MTF1: variants seen among roughly 807,000 people sequenced by gnomAD.
The protein encoded by MTF1 is metal regulatory transcription factor 1, also known as MRE-binding transcription factor.
MTF1 carries 22 observed loss-of-function variants against 70.4 expected under a neutral mutation model. That is an observed-to-expected ratio of 0.31 (90% CI 0.22 to 0.45). MTF1 has a LOEUF of 0.45. Among genes scored for constraint, MTF1 ranks in the 20% least tolerant of loss-of-function variants. MTF1 has a pLI of 1.00. For missense variants in MTF1, 649 were observed against 922.0 expected, an observed-to-expected ratio of 0.70 and a Z score of 3.83; for synonymous variants, 333 against 352.8, an observed-to-expected ratio of 0.94 and a Z score of 0.63.
chr1:37,854,333 C>G (rs1641459291), intron 2 of MTF1, among the ~76,000 whole-genome samples: 1 of 152,282 alleles, frequency 6.6e-6, no homozygotes, highest in East Asian at 1.9e-4. Context: ...ATAAGGCTTA[C>G]ATGCAGGTCT....
Position 37,822,116 on chromosome 1 carries a change from C to A in MTF1, c.1767+5G>T. ...CCACTGGGTATATTCATACATAATACTTACAATTTGTTCTTGGTTTTGTGG... is the reference window on the plus strand; with the variant it reads ...CCACTGGGTATATTCATACATAATAATTACAATTTGTTCTTGGTTTTGTGG... On this transcript the variant is annotated splice_donor_5th_base_variant and intron_variant, in intron 9 of 10. Transcript: ENST00000373036. 1 of 1,581,360 alleles carries A rather than the reference C, an allele frequency of 6.3e-7. No individual in the cohort carries two copies. Among genetic ancestry groups the A allele is most frequent in the Non-Finnish European group, 8.6e-7 (1 of 1,160,204 alleles).
intron 1 of MTF1, among the ~76,000 whole-genome samples, chr1:37,857,958 C>T (rs887866454): frequency 1.3e-5 from 2 of 149,614 alleles, no homozygotes; most frequent in African/African-American, 4.9e-5. Context: ...GGGAGGATCG[C>T]TTGAGGCCAG....
chr1:37,828,121 TGAG>T, intron 7 of MTF1: 1 of 386,986 alleles, frequency 2.6e-6, no homozygotes, highest in Non-Finnish European at 5.0e-6. Context: ...CATAATGTTA[TGAG>T]AAGAAAAGCC....
At chr1:37,819,727 G>A (rs774195350) in intron 9 of MTF1, among the ~76,000 whole-genome samples, 1 of 151,916 alleles carries the variant, frequency 6.6e-6, no homozygotes, top group Non-Finnish European at 1.5e-5. Flanking sequence ...CGAGGTGGGC[G>A]AATCACCTGA....
chr1:37,819,689 T>A (rs1186891686), intron 9 of MTF1, among the ~76,000 whole-genome samples: 1 of 149,124 alleles, frequency 6.7e-6, no homozygotes, highest in Non-Finnish European at 1.5e-5. Flanking sequence ...TGGTGGCTCA[T>A]GCTTGTAATC....
chr1:37,831,208 G>C (rs1267274386), intron 7 of MTF1, among the ~76,000 whole-genome samples: 1 of 152,098 alleles, frequency 6.6e-6, no homozygotes, highest in Non-Finnish European at 1.5e-5. Context: ...CTGCGGGAGA[G>C]TTGGTCTCAT....
rs552705647 is a variant in MTF1, at chr1:37,840,240, G to A, written c.409-82C>T. 9 of 1,250,984 alleles carry A rather than the reference G, an allele frequency of 7.2e-6. No homozygotes were observed. The highest frequency in any genetic ancestry group is 1.0e-5 in the Non-Finnish European group (9 of 862,058). The allele number at this position is 1,250,984 out of a possible 1,614,324, so 77.5% of individuals were successfully genotyped here. A position where few individuals can be genotyped will look rare whatever the true frequency, so the allele number is the denominator to read the frequency against. ...CCCCCACCCAGAGCTCAGCTCCCAA[G>A]AGATGCTGTGGACAATACAACTGGG... On this transcript the variant is annotated intron_variant, in intron 2 of 10. Transcript: ENST00000373036. The surrounding 1 kb of genome is among the most constrained non-coding windows in gnomAD (Gnocchi z 4.5).
At chr1:37,838,797 CTTTTT>C (rs746478428) in intron 3 of MTF1, 41 bp from the exon 4 acceptor site, 7,930 of 474,112 alleles carry the variant, frequency 0.017, 147 homozygotes, top group African/African-American at 0.046. Context: ...TCATAAAATT[CTTTTT>C]TTTTTTTTTT....
At chr1:37,835,250 A>T in intron 5 of MTF1, 35 bp from the exon 6 acceptor site, 1 of 1,593,298 alleles carries the variant, frequency 6.3e-7, no homozygotes, top group Non-Finnish European at 8.6e-7. Context: ...AATTTACCAT[A>T]AAGTCATTTC....
intron 9 of MTF1, among the ~76,000 whole-genome samples, chr1:37,819,866 C>T (rs1256958201): frequency 3.5e-5 from 5 of 144,844 alleles, no homozygotes; most frequent in East Asian, 4.3e-4. Flanking sequence ...GCAGGAGAAT[C>T]GCTTGAAGCC....
At chr1:37,848,269 G>C (rs1391636742) in intron 2 of MTF1, among the ~76,000 whole-genome samples, 2 of 152,138 alleles carry the variant, frequency 1.3e-5, no homozygotes, top group African/African-American at 4.8e-5. Flanking sequence ...CAGACACTAT[G>C]CTAAATGTTT....
chr1:37,836,439 G>A (rs115846245), intron 4 of MTF1, among the ~76,000 whole-genome samples: 53 of 152,144 alleles, frequency 3.5e-4, no homozygotes, highest in African/African-American at 1.2e-3. Flanking sequence ...TGTAACATAA[G>A]AACAAAATCA....
At chr1:37,826,841 T>C (rs189049854) in intron 7 of MTF1, among the ~76,000 whole-genome samples, 7 of 152,160 alleles carry the variant, frequency 4.6e-5, no homozygotes, top group Admixed American at 3.9e-4. Context: ...TAGCTGAGCA[T>C]GGTGGTGCGT....
At chr1:37,821,814 AC>A (rs1209428408) in intron 9 of MTF1, among the ~76,000 whole-genome samples, 2 of 151,918 alleles carry the variant, frequency 1.3e-5, no homozygotes, top group African/African-American at 4.8e-5. Flanking sequence ...ATATTCTGGG[AC>A]CTCTGGAGTT....
At chr1:37,827,763 C>T (rs999748437) in intron 7 of MTF1, among the ~76,000 whole-genome samples, 5 of 152,138 alleles carry the variant, frequency 3.3e-5, no homozygotes, top group Admixed American at 2.0e-4. Flanking sequence ...TAATTAAAAA[C>T]GAATGAGCTA....
chr1:37,819,951 C>CAAAAAAAAAA (rs766621404), intron 9 of MTF1, among the ~76,000 whole-genome samples: 21 of 82,690 alleles, frequency 2.5e-4, no homozygotes, highest in South Asian at 9.3e-4. Context: ...GACTCTGACT[C>CAAAAAAAAAA]AAAAAAAAAA....
chr1:37,825,029 T>A (rs1385322450), intron 7 of MTF1, among the ~76,000 whole-genome samples: 2 of 152,048 alleles, frequency 1.3e-5, no homozygotes, highest in African/African-American at 4.8e-5. Flanking sequence ...CAACCTCCAA[T>A]CCACCTCTAC....
intron 6 of MTF1, among the ~76,000 whole-genome samples, chr1:37,834,488 A>G (rs1259777006): frequency 6.6e-6 from 1 of 152,158 alleles, no homozygotes; most frequent in East Asian, 1.9e-4. Context: ...TATAAAATAA[A>G]AATTTAAAAA....
intron 3 of MTF1, 41 bp from the exon 4 acceptor site, chr1:37,838,797 C>T (rs200734671): frequency 0.036 from 16,792 of 471,306 alleles, 23 homozygotes; most frequent in Admixed American, 0.067. Flanking sequence ...TCATAAAATT[C>T]TTTTTTTTTT....
Sources: allele counts gnomAD v4.1 joint callset (sites outside exome capture counted in the v4.1 genomes callset), GRCh38; gene constraint gnomAD v4.1.1; non-coding constraint Gnocchi (gnomAD v3.1); transcripts MANE v1.5; gene names NCBI Gene and HGNC (gene_info 2026-07-23, HGNC 2026-07-21).